C3orf20: variants seen among roughly 807,000 people sequenced by gnomAD.
The protein encoded by C3orf20 is family with sequence similarity 149 member C, also known as uncharacterized protein C3orf20.
Under a neutral mutation model 88.3 loss-of-function variants are expected in C3orf20, and 76 were observed. The ratio of observed to expected loss-of-function variants is 0.86; its 90% CI spans 0.72 to 1.04. The LOEUF (loss-of-function observed/expected upper bound fraction) is 1.04, where lower values mean the gene tolerates loss of function less well. Among genes scored for constraint, C3orf20 ranks in the 50% least tolerant of loss-of-function variants. The probability of loss-of-function intolerance (pLI) is 0.00; values close to 1 mark genes in which losing one functional copy is unlikely to be tolerated. For synonymous variants in C3orf20, 436 were observed against 437.4 expected (o/e 1.00, Z 0.04); for missense variants, 1,056 against 1,123.3 (o/e 0.94, Z 0.86).
Position 14,726,952 on chromosome 3 carries a change from G to A in C3orf20, c.1618G>A (p.Ala540Thr). 1 of 1,614,160 alleles carries A rather than the reference G, an allele frequency of 6.2e-7. No individual in the cohort carries two copies. The highest frequency in any genetic ancestry group is 8.5e-7 in the Non-Finnish European group (1 of 1,180,032). Residue 540 changes from alanine to threonine, a missense_variant, in exon 11 of 17, where the codon GCC becomes ACC. Coordinates refer to ENST00000253697, the MANE Select transcript of C3orf20 (RefSeq NM_032137.5). ...MDDKVYKMSRALAEIKKRFQK... is the reference protein window; with the variant it reads ...MDDKVYKMSRTLAEIKKRFQK... ...CGACAAGGTGTATAAGATGAGCCGA[G>A]CCCTGGCTGAGATCAAGAAGCGGTT... is the stretch of plus-strand genomic sequence containing the variant.
chr3:14,758,341 A>G (rs1164714683), intron 13 of C3orf20, among the ~76,000 whole-genome samples: 1 of 152,224 alleles, frequency 6.6e-6, no homozygotes, highest in African/African-American at 2.4e-5. Context: ...GCACTGCTCA[A>G]GGTCCCAGCT....
chr3:14,754,974 C>T (rs1007086756), intron 12 of C3orf20, among the ~76,000 whole-genome samples: 11 of 152,190 alleles, frequency 7.2e-5, no homozygotes, highest in Non-Finnish European at 1.6e-4. Flanking sequence ...ATCCTCCTGC[C>T]TCAGCCTCCC....
chr3:14,693,684 C>T (rs773579277), intron 5 of C3orf20, among the ~76,000 whole-genome samples: 6 of 152,046 alleles, frequency 3.9e-5, no homozygotes, highest in Non-Finnish European at 7.4e-5. Context: ...CCCTTTATTT[C>T]TTTCTCTTTT....
intron 7 of C3orf20, 22 bp downstream of exon 7, chr3:14,704,640 C>T: frequency 6.2e-7 from 1 of 1,606,906 alleles, no homozygotes; most frequent in Non-Finnish European, 8.5e-7. Context: ...TTTGGTACCA[C>T]CCTATCTCCC....
chr3:14,725,072 C>T (rs142735730), intron 10 of C3orf20, among the ~76,000 whole-genome samples: 20 of 152,288 alleles, frequency 1.3e-4, no homozygotes, highest in African/African-American at 3.6e-4. Flanking sequence ...TAACCTCTTT[C>T]GAGAGTGCAA....
intron 15 of C3orf20, among the ~76,000 whole-genome samples, chr3:14,769,368 G>A (rs2035801079): frequency 6.6e-6 from 1 of 151,952 alleles, no homozygotes; most frequent in Non-Finnish European, 1.5e-5. Flanking sequence ...TGAGCAGGAG[G>A]GCTGTGGATT....
intron 3 of C3orf20, among the ~76,000 whole-genome samples, chr3:14,683,758 C>G (rs957963246): frequency 6.6e-6 from 1 of 151,936 alleles, no homozygotes; most frequent in Non-Finnish European, 1.5e-5. Context: ...CACCTGTAAT[C>G]CCAGCTACGC....
intron 12 of C3orf20, among the ~76,000 whole-genome samples, chr3:14,736,887 G>C (rs1042603431): frequency 3.4e-4 from 52 of 152,286 alleles, no homozygotes; most frequent in African/African-American, 1.3e-3. Flanking sequence ...ATTTTGAGTG[G>C]TATTTTCTGT....
rs543431105 is a variant in C3orf20 at position 14,722,732 on chromosome 3, C to G, written c.1566+948C>G. Among the ~76,000 whole-genome samples the G allele has an allele frequency of 1.1e-4, 17 of 152,330 alleles. No individual in the cohort carries two copies. In the East Asian group the frequency reaches 3.1e-3, roughly 28 times the overall value. On this transcript the variant is annotated intron_variant, in intron 10 of 16. Coordinates refer to ENST00000253697, the MANE Select transcript of C3orf20 (RefSeq NM_032137.5). ...GCATGAGGACTACTTCAAATTAAATCTTTACCAAATATTTTTTGGGTGGAT... is the reference window on the plus strand; with the variant it reads ...GCATGAGGACTACTTCAAATTAAATGTTTACCAAATATTTTTTGGGTGGAT...
intron 1 of C3orf20, among the ~76,000 whole-genome samples, chr3:14,680,051 A>G (rs2032004164): frequency 1.3e-5 from 2 of 152,232 alleles, no homozygotes; most frequent in South Asian, 4.1e-4. Context: ...AGAATTCTCA[A>G]AACGCCACTG....
chr3:14,744,439 C>A (rs1207330990), intron 12 of C3orf20, among the ~76,000 whole-genome samples: 2 of 151,832 alleles, frequency 1.3e-5, no homozygotes, highest in Admixed American at 1.3e-4. Flanking sequence ...CCAAAATTTC[C>A]CACATTTTCC....
Position 14,734,256 on chromosome 3 carries a change from T to G in C3orf20, c.1940+5568T>G, listed in dbSNP as rs1048034988. Among the ~76,000 whole-genome samples the G allele has an allele frequency of 8.5e-5, 13 of 152,252 alleles. No individual in the cohort carries two copies. In the East Asian group the frequency reaches 2.5e-3, roughly 29 times the overall value. ...TGTCTACTTTCTTTGGGTTTAATTT[T>G]ATATTCTTTTTCTGACTTCCTGAGG... is the stretch of plus-strand genomic sequence containing the variant. On this transcript the variant is annotated intron_variant, in intron 12 of 16. Transcript: ENST00000253697.
chr3:14,759,423 C>G (rs770865044), intron 13 of C3orf20, among the ~76,000 whole-genome samples: 3 of 152,136 alleles, frequency 2.0e-5, no homozygotes, highest in Non-Finnish European at 2.9e-5. Flanking sequence ...TTCAGGTCCT[C>G]TCCCTGGATA....
chr3:14,730,295 C>T (rs2034495903), intron 12 of C3orf20, among the ~76,000 whole-genome samples: 1 of 152,062 alleles, frequency 6.6e-6, no homozygotes, highest in Admixed American at 6.6e-5. Flanking sequence ...CGCCTGTAAT[C>T]CCAGCACTTT....
At chr3:14,770,528 A>G (rs899369987) in intron 15 of C3orf20, among the ~76,000 whole-genome samples, 12 of 152,042 alleles carry the variant, frequency 7.9e-5, no homozygotes, top group African/African-American at 2.4e-4. Context: ...GCCTTGTAGG[A>G]TGGCCCCTGC....
At chr3:14,692,366 A>G (rs2032776868) in intron 5 of C3orf20, among the ~76,000 whole-genome samples, 1 of 152,170 alleles carries the variant, frequency 6.6e-6, no homozygotes, top group South Asian at 2.1e-4. Flanking sequence ...TCCCACCAAC[A>G]GTTAGGAGGG....
chr3:14,726,863 G>C, intron 10 of C3orf20, 38 bp from the exon 11 acceptor site: 1 of 1,612,826 alleles, frequency 6.2e-7, no homozygotes, highest in Non-Finnish European at 8.5e-7. Context: ...CTCTTTGAGG[G>C]GATGGTGACA....
chr3:14,714,108 C>T lies in C3orf20; in HGVS notation c.1262C>T (p.Ala421Val), dbSNP rs745495398. 6.8e-6 allele frequency: 11 copies of T among 1,613,910 alleles called. No individual in the cohort carries two copies. Among genetic ancestry groups the T allele is most frequent in the African/African-American group, 2.7e-5 (2 of 74,896 alleles). ...FNDIPGFSLL[A>V]LFNTEGQGCV... ...GACATACCTGGATTCTCCTTGCTGG[C>T]CCTATTCAATACTGAAGGCCAGGGC... The change falls in exon 8 of 17, where the codon GCC becomes GTC. Residue 421 changes from alanine to valine, a missense_variant. By Grantham distance (64) the Ala-to-Val change is moderately conservative. Transcript: ENST00000253697.
chr3:14,720,964 C>T (rs757865252), intron 9 of C3orf20, among the ~76,000 whole-genome samples: 33 of 152,190 alleles, frequency 2.2e-4, no homozygotes, highest in Non-Finnish European at 4.1e-4. Context: ...CCACAGAGCT[C>T]TCAGTAAGGC....
Sources: gnomAD v4.1 joint callset for allele counts (sites outside exome capture counted in the v4.1 genomes callset) on GRCh38, gnomAD v4.1.1 for gene constraint, MANE v1.5 for transcripts, NCBI Gene and HGNC (gene_info 2026-07-23, HGNC 2026-07-21) for gene names.